Variants in GABBR2 observed in about 807,000 individuals in gnomAD.
GABBR2 encodes G-protein coupled receptor 51.
GABBR2 carries 23 observed loss-of-function variants against 105.6 expected under a neutral mutation model. The observed-to-expected ratio is 0.22, with a 90% CI of 0.16 to 0.31. The LOEUF is 0.31. GABBR2 is among the 10% of genes least tolerant of loss of function. The pLI is 1.00. For missense variants in GABBR2, 734 were observed against 1,245.5 expected (o/e 0.59, Z 6.18); for synonymous variants, 478 against 499.7 (o/e 0.96, Z 0.58).
At chr9:98,525,577 T>A (rs1355267842) in intron 3 of GABBR2, among the ~76,000 whole-genome samples, 3 of 152,188 alleles carry the variant, frequency 2.0e-5, no homozygotes, top group Non-Finnish European at 4.4e-5. Flanking sequence ...AAATGGTATA[T>A]CCATTGATGC....
intron 1 of GABBR2, among the ~76,000 whole-genome samples, chr9:98,687,969 C>T (rs1231952167): frequency 3.3e-5 from 5 of 152,160 alleles, no homozygotes; most frequent in African/African-American, 1.2e-4. Context: ...CAGCACATGC[C>T]CCAAAGGACA....
chr9:98,685,715 C>G (rs1830612044), intron 1 of GABBR2, among the ~76,000 whole-genome samples: 1 of 152,154 alleles, frequency 6.6e-6, no homozygotes, highest in Non-Finnish European at 1.5e-5. Context: ...TTTTTAAAGA[C>G]AGGATCTCAC....
intron 3 of GABBR2, among the ~76,000 whole-genome samples, chr9:98,525,912 A>T (rs2131719879): frequency 6.6e-6 from 1 of 152,364 alleles, no homozygotes; most frequent in African/African-American, 2.4e-5. Flanking sequence ...GTTAACACAA[A>T]TGCCACATAT....
intron 7 of GABBR2, among the ~76,000 whole-genome samples, chr9:98,444,881 A>ACATGCATATGCACATGCGCGCGCGTG (rs1564071570): frequency 3.0e-5 from 1 of 32,848 alleles, no homozygotes; most frequent in African/African-American, 8.5e-5. Context: ...GCGCGCGCGC[A>ACATGCATATGCACATGCGCGCGCGTG]CACACACACA....
chr9:98,303,093 C>A lies in GABBR2; in HGVS notation c.2412+148G>T, dbSNP rs557457339. On this transcript the variant is annotated intron_variant, in intron 16 of 18. Coordinates refer to ENST00000259455, the MANE Select transcript of GABBR2 (RefSeq NM_005458.8). ...AAATGCCTCTGTGTGGTTTATGTCA[C>A]CCCTGGCTCTCGCAGCTGCAACTGC... The A allele has an allele frequency of 1.5e-5, 9 of 601,912 alleles. No individual in the cohort carries two copies. The Admixed American group carries it at 2.5e-4, about 17-fold the overall frequency. 37.3% of individuals were successfully genotyped at this position (601,912 alleles called of 1,614,324 possible). A position where few individuals can be genotyped will look rare whatever the true frequency, so the allele number is the denominator to read the frequency against.
intron 1 of GABBR2, among the ~76,000 whole-genome samples, chr9:98,672,052 T>C (rs963220677): frequency 2.0e-5 from 3 of 152,206 alleles, no homozygotes; most frequent in African/African-American, 7.2e-5. Context: ...AATTTTTAAT[T>C]GTGATGAAAA....
chr9:98,511,755 G>C (rs1210182757), intron 3 of GABBR2, among the ~76,000 whole-genome samples: 2 of 152,080 alleles, frequency 1.3e-5, no homozygotes, highest in African/African-American at 4.8e-5. Flanking sequence ...TGAAATTGAG[G>C]CAATAATCAA....
intron 1 of GABBR2, among the ~76,000 whole-genome samples, chr9:98,680,433 G>A (rs564804422): frequency 7.2e-5 from 11 of 152,082 alleles, no homozygotes; most frequent in Admixed American, 5.2e-4. Flanking sequence ...AGCCTCACGA[G>A]TAGCTGGGAC....
At chr9:98,437,948 CCATT>C (rs1423205665) in intron 7 of GABBR2, among the ~76,000 whole-genome samples, 2 of 151,730 alleles carry the variant, frequency 1.3e-5, no homozygotes, top group African/African-American at 4.8e-5. Context: ...AAATGCTCAT[CCATT>C]CATTCATTCA....
chr9:98,481,048 T>G (rs1379609132), intron 4 of GABBR2, 51 bp from the exon 5 acceptor site: 7 of 1,117,478 alleles, frequency 6.3e-6, no homozygotes. Context: ...CAGCACCCCA[T>G]AAAGGGTTCA....
chr9:98,345,243 G>A (rs946320546), intron 13 of GABBR2, among the ~76,000 whole-genome samples: 4 of 152,026 alleles, frequency 2.6e-5, no homozygotes, highest in African/African-American at 9.7e-5. Flanking sequence ...TTCCAGCCTC[G>A]CCCCTCCATC....
chr9:98,515,618 G>A (rs1344664780), intron 3 of GABBR2, among the ~76,000 whole-genome samples: 2 of 151,908 alleles, frequency 1.3e-5, no homozygotes, highest in African/African-American at 4.8e-5. Flanking sequence ...GCTGGGACTC[G>A]CCTTGGCACA....
intron 1 of GABBR2, among the ~76,000 whole-genome samples, chr9:98,704,836 G>A (rs1363724868): frequency 1.3e-5 from 2 of 151,930 alleles, no homozygotes; most frequent in Admixed American, 1.3e-4. Flanking sequence ...ACAATCACAT[G>A]GAGAACATTT....
intron 3 of GABBR2, among the ~76,000 whole-genome samples, chr9:98,534,986 C>T (rs1171329252): frequency 6.6e-6 from 1 of 152,228 alleles, no homozygotes; most frequent in African/African-American, 2.4e-5. Flanking sequence ...AGATATCCTT[C>T]AGCAGATGAA....
At chr9:98,460,760 AAC>A (rs1046886813) in intron 6 of GABBR2, among the ~76,000 whole-genome samples, 6 of 152,246 alleles carry the variant, frequency 3.9e-5, no homozygotes, top group Middle Eastern at 3.2e-3. Flanking sequence ...CTATTTCTCC[AAC>A]ACACATCAAT....
chr9:98,377,424 A>T (rs905299865), intron 11 of GABBR2, among the ~76,000 whole-genome samples: 1 of 152,180 alleles, frequency 6.6e-6, no homozygotes, highest in Non-Finnish European at 1.5e-5. Flanking sequence ...GCTCACTCAG[A>T]GGGGTCCCTT....
intron 9 of GABBR2, among the ~76,000 whole-genome samples, chr9:98,393,342 A>ATCCATCCATCCATCCAT (rs941128574): frequency 9.6e-6 from 1 of 104,654 alleles, no homozygotes; most frequent in African/African-American, 4.7e-5. Context: ...CATCCACCCA[A>ATCCATCCATCCATCCAT]CCATCCATCC....
At chr9:98,528,291 A>G (rs1245795920) in intron 3 of GABBR2, among the ~76,000 whole-genome samples, 1 of 152,162 alleles carries the variant, frequency 6.6e-6, no homozygotes, top group African/African-American at 2.4e-5. Context: ...AGTGACTATA[A>G]TGGCAGGAGA....
At chr9:98,361,365 C>T (rs1277126741) in intron 13 of GABBR2, among the ~76,000 whole-genome samples, 1 of 129,208 alleles carries the variant, frequency 7.7e-6, no homozygotes, top group Non-Finnish European at 1.6e-5. Context: ...CAGCTGTCAT[C>T]ATCATCATCG....
Sources: gnomAD v4.1 joint callset for allele counts (sites outside exome capture counted in the v4.1 genomes callset) on GRCh38, gnomAD v4.1.1 for gene constraint, MANE v1.5 for transcripts, NCBI Gene and HGNC (gene_info 2026-07-23, HGNC 2026-07-21) for gene names.